Variants in CFAP46 observed in about 807,000 individuals in gnomAD.
CFAP46 encodes the protein cilia- and flagella-associated protein 46.
In CFAP46, 245 loss-of-function variants were observed where a neutral mutation model predicts 325.7. The ratio of observed to expected loss-of-function variants is 0.75; its 90% confidence interval spans 0.68 to 0.84. The LOEUF (loss-of-function observed/expected upper bound fraction) is 0.84. Ranked by LOEUF, CFAP46 falls within the 40% of genes least tolerant of loss-of-function variation. The pLI is 0.00. For synonymous variants in CFAP46, 1,523 were observed against 1,495.9 expected, an observed-to-expected ratio of 1.02 and a Z score of -0.42; for missense variants, 3,346 against 3,543.0, an observed-to-expected ratio of 0.94 and a Z score of 1.41.
At position 132,898,201 on chromosome 10, in the gene CFAP46, G is replaced by A. The variant is rs1016556911; in HGVS notation, c.3219+758C>T. Among the ~76,000 whole-genome samples the A allele has an allele frequency of 5.3e-5, 8 of 152,186 alleles. No homozygotes were observed. The East Asian group carries it at 7.7e-4, about 15-fold the overall frequency. On this transcript the variant is annotated intron_variant, in intron 24 of 57. Coordinates refer to ENST00000368586, the MANE Select transcript of CFAP46 (RefSeq NM_001200049.3). ...GTCTCAGCCTCTTTCCAGGAGGAGCGGGATGCCTCCCCATCTCCCAGCAGG... is the reference window on the plus strand; with the variant it reads ...GTCTCAGCCTCTTTCCAGGAGGAGCAGGATGCCTCCCCATCTCCCAGCAGG...
At chr10:132,862,039 G>C (rs1390317041) in intron 35 of CFAP46, among the ~76,000 whole-genome samples, 1 of 152,242 alleles carries the variant, frequency 6.6e-6, no homozygotes, top group Non-Finnish European at 1.5e-5. Context: ...GGACGCCACA[G>C]CCTGCATGCA....
intron 22 of CFAP46, among the ~76,000 whole-genome samples, chr10:132,904,584 A>G (rs1849430961): frequency 1.3e-5 from 2 of 152,386 alleles, no homozygotes; most frequent in Middle Eastern, 3.4e-3. Flanking sequence ...AAGTCAATTT[A>G]CACAGCAGTG....
chr10:132,920,388 C>A (rs1849705179), intron 13 of CFAP46, among the ~76,000 whole-genome samples: 4 of 152,136 alleles, frequency 2.6e-5, no homozygotes, highest in African/African-American at 9.7e-5. Flanking sequence ...GGCGATGAGG[C>A]CGAGCCAGTG....
At chr10:132,812,163 C>T (rs894879018) in intron 55 of CFAP46, among the ~76,000 whole-genome samples, 34 of 152,222 alleles carry the variant, frequency 2.2e-4, no homozygotes, top group Non-Finnish European at 3.5e-4. Flanking sequence ...CTGCTGTCTC[C>T]GTCAGCACTA....
intron 50 of CFAP46, among the ~76,000 whole-genome samples, chr10:132,825,123 CTG>C (rs1409117235): frequency 2.5e-5 from 3 of 121,702 alleles, no homozygotes; most frequent in Non-Finnish European, 4.9e-5. Flanking sequence ...GATGTGTGCA[CTG>C]TGTGCTGTGT....
At chr10:132,852,660 G>C (rs1848577753) in intron 39 of CFAP46, among the ~76,000 whole-genome samples, 1 of 152,224 alleles carries the variant, frequency 6.6e-6, no homozygotes. Context: ...CACACACATG[G>C]TATGTTTCTC....
intron 28 of CFAP46, among the ~76,000 whole-genome samples, 157 bp from the exon 29 acceptor site, chr10:132,879,788 T>C (rs144252853): frequency 0.011 from 1,629 of 151,630 alleles, 11 homozygotes; most frequent in South Asian, 0.039. Context: ...AGGGGAAGAG[T>C]CACGTGTTGT....
chr10:132,811,217 G>A (rs41302995), intron 55 of CFAP46, among the ~76,000 whole-genome samples, 186 bp from the exon 56 acceptor site: 8,648 of 152,266 alleles, frequency 0.057, 254 homozygotes, highest in African/African-American at 0.073. Flanking sequence ...AGTGGACCTC[G>A]CCAGCCTCAG....
At position 132,877,452 on chromosome 10, in the gene CFAP46, A is replaced by G. The variant is rs1383464716; in HGVS notation, c.4212+429T>C. ...AGAAAGGTTTCATGAGATGAAAAAA[A>G]CACTTTTCTCACTGCTCTGGGACCC... On this transcript the variant is annotated intron_variant, in intron 30 of 57. Transcript: ENST00000368586. The surrounding 1 kb of genome is among the most constrained non-coding windows in gnomAD (Gnocchi z 5.7). 3.3e-5 allele frequency among the ~76,000 whole-genome samples: 5 copies of G among 152,142 alleles called. No individual in the cohort carries two copies. The highest frequency in any genetic ancestry group is 7.4e-5 in the Non-Finnish European group (5 of 68,014).
At chr10:132,865,168 A>G (rs905299417) in intron 35 of CFAP46, among the ~76,000 whole-genome samples, 6 of 152,182 alleles carry the variant, frequency 3.9e-5, no homozygotes, top group Admixed American at 3.9e-4. Context: ...ATCTGGAGAG[A>G]AGATGTCACC....
Position 132,919,293 on chromosome 10 carries a change from A to G in CFAP46, c.1858+22T>C, listed in dbSNP as rs1849685075. The G allele has an allele frequency of 1.9e-6, 3 of 1,544,088 alleles. No homozygotes were observed. The highest frequency in any genetic ancestry group is 2.6e-6 in the Non-Finnish European group (3 of 1,143,192). On this transcript the variant is annotated intron_variant, in intron 15 of 57. Transcript: ENST00000368586. This position sits in a 1 kb window ranked among gnomAD's most constrained non-coding sequence, Gnocchi z 9.7. ...GGCGGCCGTGGCCAGGCTGGGACAC[A>G]CTCGTGAGGGCGGGTACGAACCTCG...
In CFAP46 at chr10:132,826,280, G is replaced by A. The variant is rs370567435; in HGVS notation, c.7117+7078C>T. Among the ~76,000 whole-genome samples, 724 of 134,708 alleles carry A rather than the reference G, an allele frequency of 5.4e-3. 13 individuals are homozygous for A. The highest frequency in any genetic ancestry group is 0.015 in the South Asian group (60 of 3,946). 88.4% of individuals were successfully genotyped at this position (134,708 alleles called of 152,430 possible). A position where few individuals can be genotyped will look rare whatever the true frequency, so the allele number is the denominator to read the frequency against. Reference sequence around the variant, plus strand: ...CCAGCCACGGAGCCAGGCAGGAGCCGGAGCCGCAGAGACCCACCACAGAGC... The same window carrying A: ...CCAGCCACGGAGCCAGGCAGGAGCCAGAGCCGCAGAGACCCACCACAGAGC... On this transcript the variant is annotated intron_variant, in intron 50 of 57. Transcript: ENST00000368586.
At chr10:132,866,561 G>C (rs565764538) in intron 34 of CFAP46, among the ~76,000 whole-genome samples, 60 of 152,282 alleles carry the variant, frequency 3.9e-4, no homozygotes, top group African/African-American at 1.4e-3. Context: ...CTGTGCACCC[G>C]GCCTTGCTAG....
In CFAP46 at chr10:132,913,227, T is replaced by C. The variant is rs1438743030; in HGVS notation, c.2152A>G (p.Met718Val). 11 of 1,550,466 alleles carry C rather than the reference T, an allele frequency of 7.1e-6. No individual in the cohort carries two copies. The highest frequency in any genetic ancestry group is 9.6e-6 in the Non-Finnish European group (11 of 1,146,982). ...TCTGCGGAGCGCAGCCAGTTATTCA[T>C]GGCACACCGGGACAGACTCTCGATC... ...TWIESLSRCA[M>V]NNWLRSAEIG... The change falls in exon 18 of 58, where the codon ATG becomes GTG. Residue 718 changes from methionine to valine, a missense_variant. By Grantham distance (21) the Met-to-Val change is conservative. Coordinates refer to ENST00000368586, the MANE Select transcript of CFAP46 (RefSeq NM_001200049.3).
chr10:132,928,364 C>G (rs989300997), intron 9 of CFAP46, among the ~76,000 whole-genome samples: 2 of 152,228 alleles, frequency 1.3e-5, no homozygotes, highest in African/African-American at 4.8e-5. Flanking sequence ...TAAAGGGCAT[C>G]AAACACAGGA....
intron 17 of CFAP46, among the ~76,000 whole-genome samples, chr10:132,913,804 A>T (rs151333604): frequency 8.0e-6 from 1 of 124,244 alleles, no homozygotes; most frequent in Non-Finnish European, 1.6e-5. Flanking sequence ...TGGGGGCTGC[A>T]TGGGGCAGAG....
chr10:132,887,276 TCTCTC>T (rs1849155688), intron 25 of CFAP46, among the ~76,000 whole-genome samples: 1 of 105,514 alleles, frequency 9.5e-6, no homozygotes, highest in Non-Finnish European at 1.8e-5. Context: ...TCTCCTCTCC[TCTCTC>T]CTCCCCTCTT....
At position 132,922,722 on chromosome 10, in the gene CFAP46, G is replaced by A. The variant is rs776721772; in HGVS notation, c.1257-14C>T. The A allele has an allele frequency of 1.1e-5, 17 of 1,538,200 alleles. No homozygotes were observed. Among genetic ancestry groups the A allele is most frequent in the South Asian group, 4.8e-5 (4 of 83,812 alleles). On this transcript the variant is annotated splice_polypyrimidine_tract_variant and intron_variant, in intron 11 of 57. Coordinates refer to ENST00000368586, the MANE Select transcript of CFAP46 (RefSeq NM_001200049.3). ...AGCGTCATGAGGCTGCGGGGGTGGC[G>A]TGGCATCAGGGGCCCTGGCGGCGCT... is the stretch of plus-strand genomic sequence containing the variant.
At chr10:132,890,930 AG>A (rs1471609582) in intron 25 of CFAP46, among the ~76,000 whole-genome samples, 1 of 152,214 alleles carries the variant, frequency 6.6e-6, no homozygotes, top group South Asian at 2.1e-4. Context: ...CAGCATTTAA[AG>A]ATTTCCCAAA....
Sources: allele counts gnomAD v4.1 joint callset (sites outside exome capture counted in the v4.1 genomes callset), GRCh38; gene constraint gnomAD v4.1.1; non-coding constraint Gnocchi (gnomAD v3.1); transcripts MANE v1.5; gene names NCBI Gene and HGNC (gene_info 2026-07-23, HGNC 2026-07-21).